LRP1B: variants seen among roughly 807,000 people sequenced by gnomAD.
LRP1B encodes LDL receptor related protein 1B.
In LRP1B, 217 loss-of-function variants were observed where a neutral mutation model predicts 556.6. The ratio of observed to expected loss-of-function variants is 0.39; its 90% confidence interval spans 0.35 to 0.44. The LOEUF is 0.44. Among genes scored for constraint, LRP1B ranks in the 20% least tolerant of loss-of-function variants. The pLI is 1.00. For missense variants in LRP1B, 5,053 were observed against 5,620.8 expected (o/e 0.90, Z 3.23); for synonymous variants, 2,047 against 1,865.8 (o/e 1.10, Z -2.50).
chr2:140,739,694 C>T lies in LRP1B; in HGVS notation c.5759-22878G>A, dbSNP rs539203575. ...ATATTGTATTAATGTGCTAGGACTG[C>T]CATAAAAAATACCGCTGATTGGATA... is the stretch of plus-strand genomic sequence containing the variant. On this transcript the variant is annotated intron_variant, in intron 35 of 90. Coordinates refer to ENST00000389484, the MANE Select transcript of LRP1B (RefSeq NM_018557.3). 4.6e-5 allele frequency among the ~76,000 whole-genome samples: 7 copies of T among 152,106 alleles called. No individual in the cohort carries two copies. In the East Asian group the frequency reaches 1.2e-3, roughly 25 times the overall value.
chr2:141,546,502 C>G (rs1317668857), intron 2 of LRP1B, among the ~76,000 whole-genome samples: 1 of 152,136 alleles, frequency 6.6e-6, no homozygotes, highest in East Asian at 1.9e-4. Context: ...ATTGTTCCAC[C>G]AATTTCTTCC....
chr2:141,088,087 C>A (rs960184105), intron 7 of LRP1B, among the ~76,000 whole-genome samples: 7 of 151,262 alleles, frequency 4.6e-5, no homozygotes, highest in African/African-American at 1.7e-4. Context: ...AAAAGACATT[C>A]TTTTTTTTTG....
chr2:141,823,854 A>G (rs1696838723), intron 1 of LRP1B, among the ~76,000 whole-genome samples: 1 of 152,108 alleles, frequency 6.6e-6, no homozygotes. Context: ...TTATTTTTTA[A>G]GTAGAGATGG....
At chr2:141,380,931 G>T (rs1366651011) in intron 3 of LRP1B, among the ~76,000 whole-genome samples, 5 of 152,034 alleles carry the variant, frequency 3.3e-5, no homozygotes, top group Non-Finnish European at 7.4e-5. Flanking sequence ...GTTTGATGAG[G>T]TTCCTGTCTT....
chr2:141,250,735 T>C (rs1428760973), intron 4 of LRP1B, among the ~76,000 whole-genome samples: 1 of 152,142 alleles, frequency 6.6e-6, no homozygotes, highest in South Asian at 2.1e-4. Flanking sequence ...CCTTAACCCA[T>C]GCAGTCTACG....
intron 41 of LRP1B, among the ~76,000 whole-genome samples, chr2:140,614,323 C>A (rs565444588): frequency 6.6e-6 from 1 of 152,120 alleles, no homozygotes; most frequent in African/African-American, 2.4e-5. Context: ...TTAATTCCAT[C>A]TTTAGAATAT....
At chr2:141,619,760 A>C (rs80226787) in intron 2 of LRP1B, among the ~76,000 whole-genome samples, 1 of 152,094 alleles carries the variant, frequency 6.6e-6, no homozygotes, top group African/African-American at 2.4e-5. Flanking sequence ...CTTTTGAGAC[A>C]TGAGATGAAA....
At position 141,823,644 on chromosome 2, in the gene LRP1B, A is replaced by G. The variant is rs532810303; in HGVS notation, c.83-13243T>C. On this transcript the variant is annotated intron_variant, in intron 1 of 90. Coordinates refer to ENST00000389484, the MANE Select transcript of LRP1B (RefSeq NM_018557.3). ...AGAATATTAAATAATAGTTCATATTATACTAAGTTTAGGCTGAACTAAGAT... is the reference window on the plus strand; with the variant it reads ...AGAATATTAAATAATAGTTCATATTGTACTAAGTTTAGGCTGAACTAAGAT... 1.8e-4 allele frequency among the ~76,000 whole-genome samples: 28 copies of G among 152,336 alleles called. No homozygotes were observed. The South Asian group carries it at 5.8e-3, about 32-fold the overall frequency.
At chr2:141,635,018 C>T (rs184012799) in intron 2 of LRP1B, among the ~76,000 whole-genome samples, 85 of 143,752 alleles carry the variant, frequency 5.9e-4, no homozygotes, top group Middle Eastern at 3.5e-3. Flanking sequence ...TGGATTTGAC[C>T]GCATAACATA....
chr2:140,828,122 G>A (rs1691573224), intron 31 of LRP1B, among the ~76,000 whole-genome samples: 1 of 151,396 alleles, frequency 6.6e-6, no homozygotes, highest in African/African-American at 2.4e-5. Flanking sequence ...AACTCTAAAG[G>A]GAATTCTTCA....
At chr2:140,557,364 A>G (rs1156777374) in intron 43 of LRP1B, among the ~76,000 whole-genome samples, 1 of 152,198 alleles carries the variant, frequency 6.6e-6, no homozygotes, top group Admixed American at 6.6e-5. Context: ...TCAATTTAAA[A>G]TTCATCTTCT....
At chr2:141,732,507 G>A (rs1693312322) in intron 2 of LRP1B, among the ~76,000 whole-genome samples, 1 of 152,040 alleles carries the variant, frequency 6.6e-6, no homozygotes, top group South Asian at 2.1e-4. Context: ...CTGTAGGCTG[G>A]AGTATTTTTG....
chr2:140,278,365 CAACA>C (rs1682773120), intron 84 of LRP1B, among the ~76,000 whole-genome samples: 1 of 151,950 alleles, frequency 6.6e-6, no homozygotes, highest in Admixed American at 6.6e-5. Context: ...TATTACACTT[CAACA>C]GAGAATGCTT....
At chr2:141,094,960 G>C (rs141039575) in intron 7 of LRP1B, among the ~76,000 whole-genome samples, 5 of 152,208 alleles carry the variant, frequency 3.3e-5, no homozygotes, top group African/African-American at 4.8e-5. Flanking sequence ...CAGTGCAACA[G>C]TGTTGAGAGA....
chr2:141,057,129 A>C (rs1211810897), intron 9 of LRP1B, among the ~76,000 whole-genome samples: 1 of 151,680 alleles, frequency 6.6e-6, no homozygotes, highest in Non-Finnish European at 1.5e-5. Flanking sequence ...TCTCCTCCCT[A>C]CTACCTATTA....
At chr2:141,566,479 A>T (rs556919931) in intron 2 of LRP1B, among the ~76,000 whole-genome samples, 126 of 152,338 alleles carry the variant, frequency 8.3e-4, no homozygotes, top group African/African-American at 2.8e-3. Flanking sequence ...AATGATGGTG[A>T]ACTGTATATC....
Position 140,718,128 on chromosome 2 carries a change from T to A in LRP1B, c.5759-1312A>T, listed in dbSNP as rs79153092. Among the ~76,000 whole-genome samples, 32 of 152,176 alleles carry A rather than the reference T, an allele frequency of 2.1e-4. No homozygotes were observed. The East Asian group carries it at 5.8e-3, about 28-fold the overall frequency. ...AACATTAGACTTATACGTCCAACTGTCTCCTTTGTTTCTCTGCTTGTTTGT... is the reference window on the plus strand; with the variant it reads ...AACATTAGACTTATACGTCCAACTGACTCCTTTGTTTCTCTGCTTGTTTGT... On this transcript the variant is annotated intron_variant, in intron 35 of 90. Transcript: ENST00000389484.
chr2:141,638,674 G>A (rs1480853763), intron 2 of LRP1B, among the ~76,000 whole-genome samples: 1 of 112,600 alleles, frequency 8.9e-6, no homozygotes, highest in East Asian at 2.2e-4. Flanking sequence ...ATTCATTCCT[G>A]GACCCAGGAG....
intron 62 of LRP1B, among the ~76,000 whole-genome samples, chr2:140,450,923 A>C (rs1207851377): frequency 6.6e-6 from 1 of 152,134 alleles, no homozygotes; most frequent in Non-Finnish European, 1.5e-5. Context: ...CTGCAGAGCT[A>C]CTTGGTTTTT....
Sources: gnomAD v4.1 joint callset for allele counts (sites outside exome capture counted in the v4.1 genomes callset) on GRCh38, gnomAD v4.1.1 for gene constraint, MANE v1.5 for transcripts, NCBI Gene and HGNC (gene_info 2026-07-23, HGNC 2026-07-21) for gene names.